PDE5A: variants seen among roughly 807,000 people sequenced by gnomAD.
PDE5A encodes cGMP-specific 3',5'-cyclic phosphodiesterase.
In PDE5A, 67 loss-of-function variants were observed where a neutral mutation model predicts 110.2. That is an observed-to-expected ratio of 0.61 (90% confidence interval 0.50 to 0.75). The LOEUF is 0.75. Among genes scored for constraint, PDE5A ranks in the 30% least tolerant of loss-of-function variants. PDE5A has a pLI of 0.00. For synonymous variants in PDE5A, 328 were observed against 351.2 expected, an observed-to-expected ratio of 0.93 and a Z score of 0.74; for missense variants, 862 against 1,045.1, an observed-to-expected ratio of 0.82 and a Z score of 2.42.
intron 10 of PDE5A, among the ~76,000 whole-genome samples, chr4:119,539,727 C>T (rs1232348512): frequency 2.6e-5 from 4 of 152,084 alleles, no homozygotes; most frequent in African/African-American, 7.2e-5. Context: ...AACCTATACA[C>T]GTTCCATTAC....
chr4:119,607,690 T>C (rs1729590469), intron 1 of PDE5A, among the ~76,000 whole-genome samples: 1 of 152,004 alleles, frequency 6.6e-6, no homozygotes, highest in South Asian at 2.1e-4. Context: ...TGAGGTATGA[T>C]GACACCACTG....
intron 14 of PDE5A, chr4:119,513,109 G>A (rs1018877969): frequency 6.6e-6 from 1 of 152,080 alleles, no homozygotes; most frequent in African/African-American, 2.4e-5. Flanking sequence ...TTTCATGCAC[G>A]CTTTAACAGA....
intron 5 of PDE5A, among the ~76,000 whole-genome samples, chr4:119,563,200 C>T (rs943310181): frequency 3.9e-5 from 6 of 152,084 alleles, no homozygotes; most frequent in Non-Finnish European, 1.5e-5. Flanking sequence ...AGTTTTTAAT[C>T]CTGACTTCCT....
At chr4:119,595,285 T>C (rs1729115075) in intron 3 of PDE5A, among the ~76,000 whole-genome samples, 1 of 152,192 alleles carries the variant, frequency 6.6e-6, no homozygotes, top group South Asian at 2.1e-4. Context: ...TTCTCAACCT[T>C]GGCCACACAC....
intron 2 of PDE5A, among the ~76,000 whole-genome samples, chr4:119,597,967 G>A (rs987650185): frequency 1.3e-5 from 2 of 151,992 alleles, no homozygotes; most frequent in African/African-American, 2.4e-5. Context: ...GAATTGAGAT[G>A]CAGAGAAAAA....
At chr4:119,547,472 A>C (rs1727173641) in intron 9 of PDE5A, among the ~76,000 whole-genome samples, 2 of 151,522 alleles carry the variant, frequency 1.3e-5, no homozygotes, top group South Asian at 4.2e-4. Flanking sequence ...TTATTTGGGG[A>C]AGGCAACAGA....
At chr4:119,540,272 A>C (rs1216360768) in intron 10 of PDE5A, among the ~76,000 whole-genome samples, 1 of 152,214 alleles carries the variant, frequency 6.6e-6, no homozygotes, top group Admixed American at 6.6e-5. Context: ...TTCTTGAACC[A>C]GTCTTTAAAA....
chr4:119,519,198 T>G, intron 13 of PDE5A, 59 bp from the exon 14 acceptor site: 1 of 1,213,232 alleles, frequency 8.2e-7, no homozygotes, highest in Non-Finnish European at 1.2e-6. Context: ...TGAAGGACAT[T>G]ATATTACCTC....
At chr4:119,511,783 A>G (rs1189952512) in intron 14 of PDE5A, among the ~76,000 whole-genome samples, 1 of 152,128 alleles carries the variant, frequency 6.6e-6, no homozygotes, top group Non-Finnish European at 1.5e-5. Context: ...AACTTGGTGA[A>G]GCAGTAGAGA....
In PDE5A at chr4:119,627,059, G is replaced by A; in HGVS notation, c.152+1461C>T. ...TTTTCAATGATACATCGTCCCACTGGTGCCACCGGGGCGCCACCACCCAGC... is the reference window on the plus strand; with the variant it reads ...TTTTCAATGATACATCGTCCCACTGATGCCACCGGGGCGCCACCACCCAGC... On this transcript the variant is annotated intron_variant, in intron 1 of 20. Coordinates refer to ENST00000354960, the MANE Select transcript of PDE5A (RefSeq NM_001083.4). This position sits in a 1 kb window ranked among gnomAD's most constrained non-coding sequence, Gnocchi z 4.6. 1 of 1,440,598 alleles carries A rather than the reference G, an allele frequency of 6.9e-7. No homozygotes were observed. The highest frequency in any genetic ancestry group is 9.7e-7 in the Non-Finnish European group (1 of 1,034,984). 89.2% of individuals were successfully genotyped at this position (1,440,598 alleles called of 1,614,324 possible). A position where few individuals can be genotyped will look rare whatever the true frequency, so the allele number is the denominator to read the frequency against.
Position 119,611,587 on chromosome 4 carries a change from A to C in PDE5A, c.153-4290T>G, listed in dbSNP as rs951428343. On this transcript the variant is annotated intron_variant, in intron 1 of 20. Coordinates refer to ENST00000354960, the MANE Select transcript of PDE5A (RefSeq NM_001083.4). ...CTGGTGCAGCATATGTCTTAAGCAGAGCCAGTGCCTAAAAGTTCTACATTA... is the reference window on the plus strand; with the variant it reads ...CTGGTGCAGCATATGTCTTAAGCAGCGCCAGTGCCTAAAAGTTCTACATTA... 2.0e-5 allele frequency among the ~76,000 whole-genome samples: 3 copies of C among 152,374 alleles called. No individual in the cohort carries two copies. The East Asian group carries it at 5.8e-4, about 29-fold the overall frequency.
chr4:119,606,849 T>C lies in PDE5A; in HGVS notation c.601A>G (p.Ile201Val). ...TCAGCAACATCAAAGAGGCGGCTGA[T>C]AAGAAACTTGTCATTGGAGCTGTCT... ...CEDSSNDKFL[I>V]SRLFDVAEGS... The change falls in exon 2 of 21, where the codon ATC becomes GTC. Residue 201 changes from isoleucine to valine, a missense_variant. By Grantham distance (29) the Ile-to-Val change is conservative. Coordinates refer to ENST00000354960, the MANE Select transcript of PDE5A (RefSeq NM_001083.4). 1 of 1,614,220 alleles carries C rather than the reference T, an allele frequency of 6.2e-7. No homozygotes were observed. The highest frequency in any genetic ancestry group is 8.5e-7 in the Non-Finnish European group (1 of 1,180,032).
At chr4:119,564,228 G>A (rs1727845997) in intron 5 of PDE5A, among the ~76,000 whole-genome samples, 1 of 152,040 alleles carries the variant, frequency 6.6e-6, no homozygotes, top group South Asian at 2.1e-4. Context: ...ATGGATGCTA[G>A]TTAGAAGACA....
intron 1 of PDE5A, among the ~76,000 whole-genome samples, chr4:119,622,217 A>G (rs1022467904): frequency 4.0e-5 from 6 of 151,806 alleles, no homozygotes; most frequent in Non-Finnish European, 8.8e-5. Flanking sequence ...TATGATCCCT[A>G]CTAACTCTAA....
chr4:119,514,242 T>C (rs1725834132), intron 14 of PDE5A, among the ~76,000 whole-genome samples: 1 of 152,148 alleles, frequency 6.6e-6, no homozygotes, highest in East Asian at 1.9e-4. Context: ...ATTTTAAAAA[T>C]AGAAAGCCTT....
intron 13 of PDE5A, 62 bp from the exon 14 acceptor site, chr4:119,519,201 A>T: frequency 1.7e-6 from 2 of 1,198,420 alleles, no homozygotes; most frequent in East Asian, 4.7e-5. Context: ...AGGACATTAT[A>T]TTACCTCTTT....
intron 11 of PDE5A, among the ~76,000 whole-genome samples, chr4:119,529,523 G>A (rs2110476932): frequency 6.6e-6 from 1 of 152,234 alleles, no homozygotes; most frequent in East Asian, 1.9e-4. Context: ...TGACACATGG[G>A]AAACTCATTA....
At chr4:119,567,211 A>G in intron 3 of PDE5A, 67 bp from the exon 4 acceptor site, 1 of 1,171,192 alleles carries the variant, frequency 8.5e-7, no homozygotes, top group Non-Finnish European at 1.3e-6. Flanking sequence ...ATTCACCAAA[A>G]TGTATTTATA....
chr4:119,607,071 C>T lies in PDE5A; in HGVS notation c.379G>A (p.Asp127Asn), dbSNP rs1729563240. The change falls in exon 2 of 21, where the codon GAC (aspartate) becomes AAC (asparagine). Residue 127 changes from aspartate to asparagine, a missense_variant. Physicochemically the swap from Asp to Asn is conservative, Grantham distance 23 (BLOSUM62 1). Coordinates refer to ENST00000354960, the MANE Select transcript of PDE5A (RefSeq NM_001083.4). Reference protein sequence around the residue: ...DSEGTVSFLSDSEKKEQMPLT... With the variant: ...DSEGTVSFLSNSEKKEQMPLT... Reference sequence around the variant, plus strand: ...GGCATCTGTTCCTTCTTTTCTGAGTCAGAGAGGAAGCTCACAGTTCCCTCA... The same window carrying T: ...GGCATCTGTTCCTTCTTTTCTGAGTTAGAGAGGAAGCTCACAGTTCCCTCA... The T allele has an allele frequency of 6.2e-7, 1 of 1,614,050 alleles. No individual in the cohort carries two copies. The highest frequency in any genetic ancestry group is 1.7e-5 in the Admixed American group (1 of 60,006).
Sources: gnomAD v4.1 joint callset for allele counts (sites outside exome capture counted in the v4.1 genomes callset) on GRCh38, gnomAD v4.1.1 for gene constraint, Gnocchi (gnomAD v3.1) non-coding constraint, MANE v1.5 for transcripts, NCBI Gene and HGNC (gene_info 2026-07-23, HGNC 2026-07-21) for gene names.